HNRNPM: variants seen among roughly 807,000 people sequenced by gnomAD.
HNRNPM encodes CEA receptor.
In HNRNPM, 11 loss-of-function variants were observed where a neutral mutation model predicts 73.1. The ratio of observed to expected loss-of-function variants is 0.15; its 90% CI spans 0.09 to 0.25. The LOEUF (loss-of-function observed/expected upper bound fraction) is 0.25, where lower values mean the gene tolerates loss of function less well. HNRNPM is among the 10% of genes least tolerant of loss of function. The pLI, the probability that HNRNPM is intolerant of heterozygous loss-of-function variation, is 1.00. For synonymous variants in HNRNPM, 407 were observed against 355.2 expected (o/e 1.15, Z -1.64); for missense variants, 789 against 1,067.9 (o/e 0.74, Z 3.64).
chr19:8,485,502 T>C (rs1444641932), intron 13 of HNRNPM, 101 bp from the exon 14 acceptor site: 18 of 1,179,966 alleles, frequency 1.5e-5, no homozygotes, highest in Non-Finnish European at 1.9e-5. Context: ...TGGTGGGCCT[T>C]TACCCCTGAT....
chr19:8,474,208 C>T lies in HNRNPM; in HGVS notation c.1084C>T (p.Arg362Ter). Residue 362 changes from arginine (R) to a stop codon, truncating the protein, a stop_gained, in exon 12 of 16, where the codon CGA becomes TGA. Coordinates refer to ENST00000325495, the MANE Select transcript of HNRNPM (RefSeq NM_005968.5). LOFTEE classifies it high-confidence loss of function. ...TGGTGGTGGTATGGAAAACATGGGT[C>T]GATTTGGATCTGGGATGAACATGGG... ...PFGGGMENMG[R>*]FGSGMNMGRI... 1 of 1,596,522 alleles carries T rather than the reference C, an allele frequency of 6.3e-7. No individual in the cohort carries two copies. The highest frequency in any genetic ancestry group is 8.5e-7 in the Non-Finnish European group (1 of 1,172,742).
At chr19:8,475,547 CT>C (rs749848928) in intron 12 of HNRNPM, among the ~76,000 whole-genome samples, 3 of 152,156 alleles carry the variant, frequency 2.0e-5, no homozygotes, top group Non-Finnish European at 2.9e-5. Flanking sequence ...TGATCAGGCC[CT>C]TCTTCCGGTG....
At chr19:8,488,578 T>TA (rs1370060639) in intron 15 of HNRNPM, 113 bp from the exon 16 acceptor site, 3 of 876,748 alleles carry the variant, frequency 3.4e-6, no homozygotes, top group Non-Finnish European at 5.2e-6. Context: ...TTCTCGCCAT[T>TA]GTATTCTGAG....
chr19:8,464,570 T>G (rs1969611973), intron 5 of HNRNPM, among the ~76,000 whole-genome samples: 2 of 152,160 alleles, frequency 1.3e-5, no homozygotes, highest in African/African-American at 2.4e-5. Flanking sequence ...AGGCGGAGGT[T>G]GCAGTGAGCC....
At chr19:8,482,118 A>AC (rs1315848269) in intron 12 of HNRNPM, among the ~76,000 whole-genome samples, 1 of 151,848 alleles carries the variant, frequency 6.6e-6, no homozygotes, top group Non-Finnish European at 1.5e-5. Flanking sequence ...GATTACAGGC[A>AC]CCTGCCATCA....
chr19:8,485,212 GC>G (rs1971190308), intron 13 of HNRNPM, among the ~76,000 whole-genome samples: 1 of 152,026 alleles, frequency 6.6e-6, no homozygotes, highest in South Asian at 2.1e-4. Flanking sequence ...ACCCTGGGTG[GC>G]CCCCCGAGTG....
intron 3 of HNRNPM, among the ~76,000 whole-genome samples, chr19:8,463,020 C>A (rs1969497949): frequency 6.6e-6 from 1 of 152,132 alleles, no homozygotes; most frequent in South Asian, 2.1e-4. Context: ...AAATTGTAAA[C>A]CAAATATTAA....
In HNRNPM at chr19:8,455,502, T is replaced by C; in HGVS notation, c.211T>C (p.Tyr71His). The change falls in exon 2 of 16, where the codon TAC becomes CAC. Residue 71 changes from tyrosine to histidine, a missense_variant. Transcript: ENST00000325495. ...FEPYANPTKR[Y>H]RAFITNIPFD... Reference sequence around the variant, plus strand: ...GCCATATGCCAATCCAACTAAAAGATACAGAGCCTTCATTACAAACATACC... The same window carrying C: ...GCCATATGCCAATCCAACTAAAAGACACAGAGCCTTCATTACAAACATACC... 3 of 1,613,966 alleles carry C rather than the reference T, an allele frequency of 1.9e-6. No individual in the cohort carries two copies. The highest frequency in any genetic ancestry group is 1.7e-6 in the Non-Finnish European group (2 of 1,179,850).
Position 8,483,165 on chromosome 19 carries a change from A to G in HNRNPM, c.1128A>G (p.Leu376=). 1 of 1,609,244 alleles carries G rather than the reference A, an allele frequency of 6.2e-7. No homozygotes were observed. The highest frequency in any genetic ancestry group is 1.1e-5 in the South Asian group (1 of 90,782). Residue 376 remains leucine, a synonymous_variant, in exon 13 of 16, where the codon CTA becomes CTG. Coordinates refer to ENST00000325495, the MANE Select transcript of HNRNPM (RefSeq NM_005968.5). ...TCTTCCTGATTTCCTTAGAAATCCT[A>G]AGTAATGCACTGAAGAGAGGAGAGA... The part of the protein sequence containing the change: ...GMNMGRINEI[L]SNALKRGEII...
intron 1 of HNRNPM, chr19:8,445,648 C>T (rs1157654007): frequency 6.6e-6 from 1 of 152,396 alleles, no homozygotes; most frequent in African/African-American, 2.4e-5. Flanking sequence ...GGCTCCCCTC[C>T]TGCCCCGCCC....
intron 2 of HNRNPM, among the ~76,000 whole-genome samples, chr19:8,461,548 G>T (rs1303367688): frequency 6.6e-6 from 1 of 152,184 alleles, no homozygotes; most frequent in Non-Finnish European, 1.5e-5. Context: ...TTTGGTGGTT[G>T]TCTTGATGGA....
Position 8,462,986 on chromosome 19 carries a change from C to T in HNRNPM, c.336+405C>T, listed in dbSNP as rs182827584. ...TTGAAAGTTGTGTGAACCAAAGATTCCGAAAAGTTGCCTTTGTGCCAGTAA... is the reference window on the plus strand; with the variant it reads ...TTGAAAGTTGTGTGAACCAAAGATTTCGAAAAGTTGCCTTTGTGCCAGTAA... On this transcript the variant is annotated intron_variant, in intron 3 of 15. Coordinates refer to ENST00000325495, the MANE Select transcript of HNRNPM (RefSeq NM_005968.5). The surrounding 1 kb of genome is among the most constrained non-coding windows in gnomAD (Gnocchi z 4.5). 1.1e-4 allele frequency among the ~76,000 whole-genome samples: 16 copies of T among 152,288 alleles called. No individual in the cohort carries two copies. Among genetic ancestry groups the T allele is most frequent in the South Asian group, 4.1e-4 (2 of 4,826 alleles).
At chr19:8,445,379 C>T in intron 1 of HNRNPM, 2 of 344,364 alleles carry the variant, frequency 5.8e-6, no homozygotes, top group East Asian at 4.3e-5. Flanking sequence ...GCCTCAGGCC[C>T]AGCTGCTGCG....
In HNRNPM at chr19:8,450,727, A is replaced by T. The variant is rs928395231; in HGVS notation, c.114-4678A>T. Among the ~76,000 whole-genome samples, 533 of 125,376 alleles carry T rather than the reference A, an allele frequency of 4.3e-3. 2 individuals carry two copies. The highest frequency in any genetic ancestry group is 0.013 in the African/African-American group (471 of 37,642). The allele number at this position is 125,376 out of a possible 152,430, so 82.3% of individuals were successfully genotyped here. ...AATTTAATTAATTATTATTATTATT[A>T]TTTTTTTTTTTTTTGAGATGGAGTT... On this transcript the variant is annotated intron_variant, in intron 1 of 15. Coordinates refer to ENST00000325495, the MANE Select transcript of HNRNPM (RefSeq NM_005968.5).
At chr19:8,453,754 A>ATCAGC (rs1968796442) in intron 1 of HNRNPM, among the ~76,000 whole-genome samples, 1 of 152,158 alleles carries the variant, frequency 6.6e-6, no homozygotes, top group Non-Finnish European at 1.5e-5. Context: ...CTTGTTCCTG[A>ATCAGC]TCAGCTCTAA....
chr19:8,478,053 G>A (rs1356989542), intron 12 of HNRNPM, among the ~76,000 whole-genome samples: 1 of 152,194 alleles, frequency 6.6e-6, no homozygotes, highest in Non-Finnish European at 1.5e-5. Flanking sequence ...TGAGTGCCTA[G>A]TAGGTGTTAC....
In HNRNPM at chr19:8,450,988, C is replaced by T. The variant is rs541770288; in HGVS notation, c.114-4417C>T. Among the ~76,000 whole-genome samples, 14 of 152,208 alleles carry T rather than the reference C, an allele frequency of 9.2e-5. No homozygotes were observed. In the South Asian group the frequency reaches 1.2e-3, roughly 14 times the overall value. ...ATGGCATAATCTCGGCTCACTGCAA[C>T]CCCCGCCTCCTGTGTTCAAGCAATT... On this transcript the variant is annotated intron_variant, in intron 1 of 15. Transcript: ENST00000325495.
chr19:8,460,117 G>A (rs1002014351), intron 2 of HNRNPM, among the ~76,000 whole-genome samples: 14 of 152,144 alleles, frequency 9.2e-5, no homozygotes, highest in African/African-American at 3.1e-4. Context: ...TGTGTGATCT[G>A]CTCTGGATGG....
chr19:8,461,772 G>T (rs542861301), intron 2 of HNRNPM, among the ~76,000 whole-genome samples: 1 of 152,114 alleles, frequency 6.6e-6, no homozygotes, highest in Admixed American at 6.5e-5. Flanking sequence ...AATGAAGCCT[G>T]GCCTAATTCA....
Sources: allele counts gnomAD v4.1 joint callset (sites outside exome capture counted in the v4.1 genomes callset), GRCh38; gene constraint gnomAD v4.1.1; non-coding constraint Gnocchi (gnomAD v3.1); transcripts MANE v1.5; gene names NCBI Gene and HGNC (gene_info 2026-07-23, HGNC 2026-07-21).